Variants in SLC33A1 observed in about 807,000 individuals in gnomAD.
SLC33A1 encodes acetyl-coenzyme A transporter 1.
SLC33A1 carries 20 observed loss-of-function variants against 50.0 expected under a neutral mutation model. The ratio of observed to expected loss-of-function variants is 0.40; its 90% CI spans 0.28 to 0.58. The LOEUF (loss-of-function observed/expected upper bound fraction) is 0.58, where lower values mean the gene tolerates loss of function less well. Among genes scored for constraint, SLC33A1 ranks in the 20% least tolerant of loss-of-function variants. The probability of loss-of-function intolerance (pLI) is 0.44; values close to 1 mark genes in which losing one functional copy is unlikely to be tolerated. For synonymous variants in SLC33A1, 265 were observed against 251.8 expected (o/e 1.05, Z -0.50); for missense variants, 476 against 657.0 (o/e 0.72, Z 3.01).
intron 1 of SLC33A1, among the ~76,000 whole-genome samples, chr3:155,851,407 TA>T (rs1334179765): frequency 2.2e-5 from 1 of 44,678 alleles, no homozygotes; most frequent in African/African-American, 2.2e-4. Flanking sequence ...AACACCCAGC[TA>T]TTTTTTTTTT....
At chr3:155,834,747 C>T (rs1351233754) in intron 2 of SLC33A1, among the ~76,000 whole-genome samples, 1 of 152,132 alleles carries the variant, frequency 6.6e-6, no homozygotes, top group East Asian at 1.9e-4. Flanking sequence ...GATAAAGAGA[C>T]ATGATATGGC....
intron 2 of SLC33A1, among the ~76,000 whole-genome samples, chr3:155,836,327 A>AGG (rs1752675138): frequency 2.2e-5 from 3 of 138,670 alleles, no homozygotes; most frequent in African/African-American, 9.2e-5. Flanking sequence ...AAGAAAGAAA[A>AGG]AAAGAAAGAA....
chr3:155,839,777 G>A (rs918141547), intron 2 of SLC33A1, among the ~76,000 whole-genome samples: 9 of 151,878 alleles, frequency 5.9e-5, no homozygotes, highest in South Asian at 4.2e-4. Context: ...GTGAAACCCC[G>A]TCTCTTCTAA....
chr3:155,835,313 A>G (rs1752603562), intron 2 of SLC33A1, among the ~76,000 whole-genome samples: 1 of 152,202 alleles, frequency 6.6e-6, no homozygotes. Flanking sequence ...TACATTTTCA[A>G]GAAGTGTGAA....
At chr3:155,835,484 A>G (rs1458545988) in intron 2 of SLC33A1, among the ~76,000 whole-genome samples, 1 of 152,164 alleles carries the variant, frequency 6.6e-6, no homozygotes, top group Non-Finnish European at 1.5e-5. Flanking sequence ...ATAGATAAGC[A>G]AGCTGGAAGC....
intron 2 of SLC33A1, among the ~76,000 whole-genome samples, chr3:155,839,373 CAAAAAAAAAAAA>C (rs1198585213): frequency 1.1e-4 from 2 of 18,300 alleles, no homozygotes; most frequent in Non-Finnish European, 2.0e-4. Flanking sequence ...GACTCTGTCT[CAAAAAAAAAAAA>C]AAAAAAAAAA....
chr3:155,832,392 C>A (rs1206709942), intron 4 of SLC33A1, among the ~76,000 whole-genome samples: 1 of 151,852 alleles, frequency 6.6e-6, no homozygotes, highest in South Asian at 2.1e-4. Flanking sequence ...AAAAAAAAAT[C>A]TCATTCTGCA....
At position 155,831,322 on chromosome 3, in the gene SLC33A1, G is replaced by A. The variant is rs1414001240; in HGVS notation, c.1267-1419C>T. On this transcript the variant is annotated intron_variant, in intron 4 of 5. Coordinates refer to ENST00000643144, the MANE Select transcript of SLC33A1 (RefSeq NM_004733.4). ...AATACAAAAATCAGCTGGGTGAGGTGGTGCTCATCTGTAATCCCAGCTACT... is the reference window on the plus strand; with the variant it reads ...AATACAAAAATCAGCTGGGTGAGGTAGTGCTCATCTGTAATCCCAGCTACT... 2.0e-5 allele frequency among the ~76,000 whole-genome samples: 3 copies of A among 151,854 alleles called. No homozygotes were observed. The East Asian group carries it at 5.8e-4, about 29-fold the overall frequency.
At chr3:155,846,058 G>C (rs187323273) in intron 1 of SLC33A1, among the ~76,000 whole-genome samples, 1 of 152,170 alleles carries the variant, frequency 6.6e-6, no homozygotes, top group African/African-American at 2.4e-5. Flanking sequence ...GCAAGATCTT[G>C]TCCAGTGCTT....
At chr3:155,834,099 A>G (rs1204166356) in intron 2 of SLC33A1, 58 bp from the exon 3 acceptor site, 12 of 1,406,728 alleles carry the variant, frequency 8.5e-6, no homozygotes, top group Non-Finnish European at 1.2e-5. Flanking sequence ...ATTTTCCTCC[A>G]TGCATATGTA....
chr3:155,851,337 G>C (rs143044343), intron 1 of SLC33A1, among the ~76,000 whole-genome samples: 3 of 151,940 alleles, frequency 2.0e-5, no homozygotes, highest in Non-Finnish European at 1.5e-5. Flanking sequence ...ACAATCTCCC[G>C]GGCTGAAGCA....
chr3:155,828,904 T>G (rs7620651), intron 5 of SLC33A1, among the ~76,000 whole-genome samples: 94 of 116,902 alleles, frequency 8.0e-4, no homozygotes, highest in African/African-American at 5.3e-3. Context: ...ATGTTTTTTT[T>G]TTTTTTTTTT....
intron 1 of SLC33A1, among the ~76,000 whole-genome samples, chr3:155,852,571 T>C (rs1436385925): frequency 6.6e-6 from 1 of 152,230 alleles, no homozygotes; most frequent in Non-Finnish European, 1.5e-5. Flanking sequence ...TACTTTGTGT[T>C]GTGCATTCTG....
rs540694631 is a variant in SLC33A1, at chr3:155,849,962, C to A, written c.775+3261G>T. Among the ~76,000 whole-genome samples the A allele has an allele frequency of 4.1e-5, 6 of 147,708 alleles. No individual in the cohort carries two copies. In the East Asian group the frequency reaches 9.9e-4, roughly 24 times the overall value. The stretch of plus-strand genomic sequence containing the variant: ...AATAATAATAATAATAATAACAATT[C>A]ACTGCCTAGAAATACTCTGTGAATG... On this transcript the variant is annotated intron_variant, in intron 1 of 5. Coordinates refer to ENST00000643144, the MANE Select transcript of SLC33A1 (RefSeq NM_004733.4).
At chr3:155,852,551 A>C (rs1753440973) in intron 1 of SLC33A1, among the ~76,000 whole-genome samples, 1 of 152,218 alleles carries the variant, frequency 6.6e-6, no homozygotes, top group Non-Finnish European at 1.5e-5. Context: ...TTCCTGCCTC[A>C]GTGCACTTTT....
Position 155,836,521 on chromosome 3 carries a change from T to C in SLC33A1, c.964-2480A>G, listed in dbSNP as rs1026157447. On this transcript the variant is annotated intron_variant, in intron 2 of 5. Transcript: ENST00000643144. ...CTGACTTTAATGTTTAATCTTAAAA[T>C]GTTAAAAAAGTCTTAAAAGTTATAT... Among the ~76,000 whole-genome samples, 5 of 152,138 alleles carry C rather than the reference T, an allele frequency of 3.3e-5. No homozygotes were observed. The East Asian group carries it at 9.7e-4, about 29-fold the overall frequency.
chr3:155,844,799 T>C (rs1205766349), intron 1 of SLC33A1: 2 of 152,094 alleles, frequency 1.3e-5, no homozygotes, highest in African/African-American at 4.8e-5. Flanking sequence ...TTTCTAGCAT[T>C]TTGGAATCTG....
At position 155,854,006 on chromosome 3, in the gene SLC33A1, C is replaced by G; in HGVS notation, c.-9G>C. 1 of 1,536,716 alleles carries G rather than the reference C, an allele frequency of 6.5e-7. No individual in the cohort carries two copies. The highest frequency in any genetic ancestry group is 8.7e-7 in the Non-Finnish European group (1 of 1,147,260). ...GAGATGGTGGGTGACATATCAGAGA[C>G]GATGCAGAGCCCCGTCTGTGGGGGG... On this transcript the variant is annotated 5_prime_UTR_variant, in exon 1 of 6. Transcript: ENST00000643144.
rs571011496 is a variant in SLC33A1, at chr3:155,824,578, G to A, written c.*3632C>T. 5 of 151,756 alleles carry A rather than the reference G, an allele frequency of 3.3e-5. No individual in the cohort carries two copies. Among genetic ancestry groups the A allele is most frequent in the Non-Finnish European group, 7.4e-5 (5 of 67,934 alleles). The allele number at this position is 151,756 out of a possible 1,614,324, so 9.4% of individuals were successfully genotyped here. ...AGTTCAATACAGTATAACATATGCA[G>A]AGATTTTATAGTTTTTATCATAGAT... On this transcript the variant is annotated 3_prime_UTR_variant, in exon 6 of 6. Transcript: ENST00000643144.
Sources: allele counts gnomAD v4.1 joint callset (sites outside exome capture counted in the v4.1 genomes callset), GRCh38; gene constraint gnomAD v4.1.1; transcripts MANE v1.5; gene names NCBI Gene and HGNC (gene_info 2026-07-23, HGNC 2026-07-21).